TFDP2: variants seen among roughly 807,000 people sequenced by gnomAD.
TFDP2 encodes transcription factor Dp-2, also known as transcription factor Dp-2 (E2F dimerization partner 2).
TFDP2 carries 17 observed loss-of-function variants against 59.3 expected under a neutral mutation model. The ratio of observed to expected loss-of-function variants is 0.29; its 90% confidence interval spans 0.20 to 0.43. The LOEUF is 0.43. TFDP2 is among the 20% of genes least tolerant of loss of function. TFDP2 has a pLI of 1.00. For missense variants in TFDP2, 391 were observed against 528.8 expected (o/e 0.74, Z 2.56); for synonymous variants, 180 against 194.7 (o/e 0.92, Z 0.63).
At chr3:142,101,687 C>T (rs972341904) in intron 2 of TFDP2, 48 bp downstream of exon 2, 5 of 1,254,136 alleles carry the variant, frequency 4.0e-6, no homozygotes, top group Non-Finnish European at 5.3e-6. Flanking sequence ...GGAAAAAGCA[C>T]AGCTCACTTT....
intron 3 of TFDP2, among the ~76,000 whole-genome samples, chr3:142,047,832 C>T (rs1217437017): frequency 6.6e-6 from 1 of 151,298 alleles, no homozygotes; most frequent in African/African-American, 2.4e-5. Context: ...ACCTCCGCCT[C>T]CCGGGTTCAA....
intron 6 of TFDP2, among the ~76,000 whole-genome samples, chr3:141,985,388 G>A (rs1234061192): frequency 1.3e-5 from 2 of 151,664 alleles, no homozygotes; most frequent in Non-Finnish European, 2.9e-5. Context: ...AATTAGTCAG[G>A]TGTGGTGATA....
chr3:141,997,849 C>CAAAA (rs3058569), intron 4 of TFDP2, among the ~76,000 whole-genome samples: 129 of 83,852 alleles, frequency 1.5e-3, no homozygotes, highest in Non-Finnish European at 2.1e-3. Context: ...GACTCCATCT[C>CAAAA]AAAAAAAAAA....
At position 142,038,383 on chromosome 3, in the gene TFDP2, CAAAAAAAAAAA is replaced by C. The variant is rs1184364752; in HGVS notation, c.83-32850_83-32840del. Among the ~76,000 whole-genome samples, 8 of 41,426 alleles carry C rather than the reference CAAAAAAAAAAA, an allele frequency of 1.9e-4. No individual in the cohort carries two copies. The East Asian group carries it at 4.7e-3, about 25-fold the overall frequency. 27.2% of individuals were successfully genotyped at this position (41,426 alleles called of 152,430 possible). A position where few individuals can be genotyped will look rare whatever the true frequency, so the allele number is the denominator to read the frequency against. ...TGGGCGACAGAGCGAGACTCCATCTCAAAAAAAAAAAAAAAAAAAAAAAAGAGAATAAGTAG... is the reference window on the plus strand; with the variant it reads ...TGGGCGACAGAGCGAGACTCCATCTCAAAAAAAAAAAAAGAGAATAAGTAG... On this transcript the variant is annotated intron_variant, in intron 3 of 12. Coordinates refer to ENST00000489671, the MANE Select transcript of TFDP2 (RefSeq NM_001178139.2).
chr3:142,118,704 A>AT (rs2061931607), intron 1 of TFDP2, among the ~76,000 whole-genome samples: 1 of 152,218 alleles, frequency 6.6e-6, no homozygotes, highest in Admixed American at 6.5e-5. Context: ...AAAACTTAAT[A>AT]AAAGACACTG....
In TFDP2 at chr3:141,954,642, A is replaced by C. The variant is rs543175130; in HGVS notation, c.1052-1626T>G. On this transcript the variant is annotated intron_variant, in intron 11 of 12. Coordinates refer to ENST00000489671, the MANE Select transcript of TFDP2 (RefSeq NM_001178139.2). ...ACTGTCTCAAAAAAAACAAAAAAAA[A>C]CAAAAAAACAAAAAAGTTACTGAAT... is the stretch of plus-strand genomic sequence containing the variant. 2.6e-4 allele frequency among the ~76,000 whole-genome samples: 39 copies of C among 151,604 alleles called. No individual in the cohort carries two copies. The East Asian group carries it at 7.4e-3, about 29-fold the overall frequency.
chr3:141,968,679 CAT>C (rs1258854836), intron 9 of TFDP2, among the ~76,000 whole-genome samples: 6,157 of 91,192 alleles, frequency 0.068, 269 homozygotes, highest in East Asian at 0.1. Flanking sequence ...ATATATATCT[CAT>C]ATATAGATAT....
intron 1 of TFDP2, among the ~76,000 whole-genome samples, chr3:142,143,003 A>G (rs1553820364): frequency 6.6e-6 from 1 of 152,264 alleles, no homozygotes; most frequent in Non-Finnish European, 1.5e-5. Flanking sequence ...TGGGAGGCCA[A>G]GGCGAGCAGA....
At chr3:141,991,699 A>G (rs1162556786) in intron 6 of TFDP2, among the ~76,000 whole-genome samples, 1 of 152,138 alleles carries the variant, frequency 6.6e-6, no homozygotes, top group Admixed American at 6.5e-5. Flanking sequence ...CAGTGAGCCA[A>G]GATTGCGCTA....
intron 3 of TFDP2, among the ~76,000 whole-genome samples, chr3:142,057,911 A>G (rs1246530277): frequency 6.6e-6 from 1 of 152,178 alleles, no homozygotes; most frequent in Non-Finnish European, 1.5e-5. Flanking sequence ...TCCCCAGGCC[A>G]GTTCAATACC....
intron 6 of TFDP2, among the ~76,000 whole-genome samples, chr3:141,985,237 T>C (rs77146590): frequency 0.027 from 4,126 of 152,084 alleles, 189 homozygotes; most frequent in African/African-American, 0.094. Context: ...ATGTCAAAAA[T>C]CCCTATTTTG....
At chr3:142,023,852 G>A (rs983465413) in intron 3 of TFDP2, among the ~76,000 whole-genome samples, 12 of 152,214 alleles carry the variant, frequency 7.9e-5, no homozygotes, top group African/African-American at 1.7e-4. Context: ...TGCCTAGGCC[G>A]GAGTGCAGTG....
At chr3:142,063,873 C>T (rs1487998413) in intron 3 of TFDP2, among the ~76,000 whole-genome samples, 1 of 152,028 alleles carries the variant, frequency 6.6e-6, no homozygotes, top group Admixed American at 6.6e-5. Flanking sequence ...AAACCTTAGG[C>T]AGGAAAATCA....
rs748893967 is a variant in TFDP2 at position 142,032,438 on chromosome 3, G to A, written c.83-26894C>T. Among the ~76,000 whole-genome samples, 51 of 101,820 alleles carry A rather than the reference G, an allele frequency of 5.0e-4. 1 individual carries two copies. Among genetic ancestry groups the A allele is most frequent in the Admixed American group, 3.0e-3 (31 of 10,186 alleles). 66.8% of individuals were successfully genotyped at this position (101,820 alleles called of 152,430 possible). A position where few individuals can be genotyped will look rare whatever the true frequency, so the allele number is the denominator to read the frequency against. On this transcript the variant is annotated intron_variant, in intron 3 of 12. Transcript: ENST00000489671. ...CATTTTTCTGAGTTCTGTGCTCAAT[G>A]CTCTTTTCTTCAAGATCTACACTCC...
chr3:141,953,645 A>G (rs1200916867), intron 11 of TFDP2, among the ~76,000 whole-genome samples: 1 of 151,530 alleles, frequency 6.6e-6, no homozygotes, highest in Admixed American at 6.6e-5. Context: ...TTTTATTATT[A>G]TTATACTTTA....
intron 10 of TFDP2, among the ~76,000 whole-genome samples, chr3:141,960,721 G>A (rs1287127934): frequency 6.6e-6 from 1 of 152,034 alleles, no homozygotes; most frequent in Non-Finnish European, 1.5e-5. Context: ...TAAAGTATAT[G>A]AATTTGATTA....
At chr3:142,120,810 G>A (rs544730627) in intron 1 of TFDP2, among the ~76,000 whole-genome samples, 1 of 152,170 alleles carries the variant, frequency 6.6e-6, no homozygotes, top group African/African-American at 2.4e-5. Flanking sequence ...TGCAGTGATG[G>A]GAACAACCAC....
intron 3 of TFDP2, among the ~76,000 whole-genome samples, chr3:142,052,094 C>T (rs979111956): frequency 6.6e-6 from 1 of 152,032 alleles, no homozygotes; most frequent in Non-Finnish European, 1.5e-5. Context: ...CTACTGCACT[C>T]CGGCCAAGCA....
intron 1 of TFDP2, among the ~76,000 whole-genome samples, chr3:142,105,450 G>A (rs948123736): frequency 3.3e-5 from 5 of 150,286 alleles, no homozygotes; most frequent in Non-Finnish European, 6.0e-5. Flanking sequence ...ACTAGTAGGT[G>A]TCCTTTTTCC....
Sources: gnomAD v4.1 joint callset for allele counts (sites outside exome capture counted in the v4.1 genomes callset) on GRCh38, gnomAD v4.1.1 for gene constraint, MANE v1.5 for transcripts, NCBI Gene and HGNC (gene_info 2026-07-23, HGNC 2026-07-21) for gene names.